The following STXBP6 variants were observed in gnomAD, a reference collection of about 807,000 sequenced individuals.
The protein encoded by STXBP6 is syntaxin binding protein 6, also known as syntaxin-binding protein 6.
In STXBP6, 21 loss-of-function variants were observed where a neutral mutation model predicts 26.9. The ratio of observed to expected loss-of-function variants is 0.78; its 90% CI spans 0.55 to 1.12. STXBP6 has a LOEUF of 1.12. STXBP6 is among the 50% of genes most tolerant of loss of function. The pLI is 0.00. For missense variants in STXBP6, 232 were observed against 257.9 expected (o/e 0.90, Z 0.69); for synonymous variants, 97 against 92.6 (o/e 1.05, Z -0.27).
In STXBP6 at chr14:24,973,424, C is replaced by CA. The variant is rs2073959840; in HGVS notation, c.154+1240dup. Among the ~76,000 whole-genome samples, 2 of 124,922 alleles carry CA rather than the reference C, an allele frequency of 1.6e-5. 1 individual carries two copies. Among genetic ancestry groups the CA allele is most frequent in the South Asian group, 5.3e-4 (2 of 3,790 alleles). The allele number at this position is 124,922 out of a possible 152,430, so 82.0% of individuals were successfully genotyped here. On this transcript the variant is annotated intron_variant, in intron 2 of 5. Transcript: ENST00000323944. The stretch of plus-strand genomic sequence containing the variant: ...TTTTTGAGACAGAGTCTCACTCTGT[C>CA]AGCCAGGCTGGAGTGCAGTGGTGTG...
intron 2 of STXBP6, among the ~76,000 whole-genome samples, chr14:24,915,278 A>G (rs1418167263): frequency 6.6e-6 from 1 of 152,130 alleles, no homozygotes; most frequent in Non-Finnish European, 1.5e-5. Flanking sequence ...TAATTCCTTC[A>G]GACAGTGGTA....
chr14:24,977,281 T>C (rs1418358520), intron 1 of STXBP6, among the ~76,000 whole-genome samples: 2 of 152,182 alleles, frequency 1.3e-5, no homozygotes, highest in Non-Finnish European at 1.5e-5. Context: ...CATTTTATCA[T>C]ATAAAATCTG....
intron 2 of STXBP6, among the ~76,000 whole-genome samples, chr14:24,880,775 A>G (rs1747871972): frequency 6.6e-6 from 1 of 152,172 alleles, no homozygotes; most frequent in Non-Finnish European, 1.5e-5. Flanking sequence ...ATTATGATGG[A>G]TCGATTATGT....
chr14:25,040,819 G>A (rs1193303884), intron 1 of STXBP6, among the ~76,000 whole-genome samples: 1 of 152,180 alleles, frequency 6.6e-6, no homozygotes, highest in Non-Finnish European at 1.5e-5. Flanking sequence ...AGCAAAGGCT[G>A]TCCCTAAAGC....
At chr14:25,010,057 A>G (rs996569755) in intron 1 of STXBP6, among the ~76,000 whole-genome samples, 8 of 152,170 alleles carry the variant, frequency 5.3e-5, no homozygotes, top group African/African-American at 1.9e-4. Context: ...GGAGATTCGG[A>G]CACACCCTCA....
At chr14:24,984,110 T>TA (rs2074270182) in intron 1 of STXBP6, among the ~76,000 whole-genome samples, 1 of 152,162 alleles carries the variant, frequency 6.6e-6, no homozygotes, top group South Asian at 2.1e-4. Flanking sequence ...CATGCACCTG[T>TA]AGTCCCAGCT....
intron 2 of STXBP6, among the ~76,000 whole-genome samples, chr14:24,880,908 A>G (rs1431457059): frequency 1.3e-5 from 2 of 152,210 alleles, no homozygotes; most frequent in East Asian, 1.9e-4. Context: ...GTCACATTTC[A>G]TAAGGTTCCG....
chr14:24,865,150 G>A (rs1198536941), intron 2 of STXBP6, among the ~76,000 whole-genome samples: 1 of 152,106 alleles, frequency 6.6e-6, no homozygotes, highest in Non-Finnish European at 1.5e-5. Context: ...TTCTAATCCT[G>A]TGGCTACATC....
At position 24,970,321 on chromosome 14, in the gene STXBP6, CT is replaced by C. The variant is rs368358633; in HGVS notation, c.154+4343del. Among the ~76,000 whole-genome samples the C allele has an allele frequency of 4.3e-3, 661 of 152,166 alleles. 3 individuals are homozygous for C. The highest frequency in any genetic ancestry group is 0.015 in the African/African-American group (634 of 41,512). ...CACTTTAAGTGTGCAGCCTGATGAGCTGTCAAAAATGTATACACCTACGTAA... is the reference window on the plus strand; with the variant it reads ...CACTTTAAGTGTGCAGCCTGATGAGCGTCAAAAATGTATACACCTACGTAA... On this transcript the variant is annotated intron_variant, in intron 2 of 5. Transcript: ENST00000323944.
intron 2 of STXBP6, among the ~76,000 whole-genome samples, chr14:24,926,478 G>A (rs1414719350): frequency 6.6e-6 from 1 of 152,052 alleles, no homozygotes; most frequent in African/African-American, 2.4e-5. Flanking sequence ...AAGTTAAAGA[G>A]TCAAAATTTC....
At chr14:24,951,114 C>T (rs539333284) in intron 2 of STXBP6, among the ~76,000 whole-genome samples, 92 of 152,210 alleles carry the variant, frequency 6.0e-4, no homozygotes, top group African/African-American at 2.1e-3. Flanking sequence ...GTATATGTGC[C>T]ACATTTTCTT....
intron 1 of STXBP6, among the ~76,000 whole-genome samples, chr14:25,029,657 C>T (rs765213263): frequency 3.3e-5 from 5 of 152,228 alleles, no homozygotes; most frequent in Middle Eastern, 3.4e-3. Flanking sequence ...CTATATAATG[C>T]TTCATGTGAA....
At chr14:25,032,162 T>A (rs2075469469) in intron 1 of STXBP6, among the ~76,000 whole-genome samples, 1 of 152,188 alleles carries the variant, frequency 6.6e-6, no homozygotes, top group Admixed American at 6.5e-5. Context: ...ACTTTGCGCA[T>A]GGTCTCCAAC....
At chr14:24,899,885 G>A (rs928170685) in intron 2 of STXBP6, among the ~76,000 whole-genome samples, 1 of 150,372 alleles carries the variant, frequency 6.7e-6, no homozygotes, top group Admixed American at 6.6e-5. Context: ...CTTGAATGGT[G>A]CTCTTAGACA....
chr14:24,870,826 C>T (rs2069902995), intron 2 of STXBP6, among the ~76,000 whole-genome samples: 1 of 152,136 alleles, frequency 6.6e-6, no homozygotes, highest in Non-Finnish European at 1.5e-5. Flanking sequence ...TCTCCATGTC[C>T]CCCTTCAGAT....
At chr14:24,840,784 G>A (rs762512167) in intron 4 of STXBP6, among the ~76,000 whole-genome samples, 38 of 151,872 alleles carry the variant, frequency 2.5e-4, no homozygotes, top group Middle Eastern at 3.2e-3. Flanking sequence ...AAGAAAAGAG[G>A]TGACTATCCT....
chr14:24,812,611 G>A lies in STXBP6; in HGVS notation c.*98C>T, dbSNP rs1409420435. ...AAACCACTCTAAGTGTCCAAATATTGGAAAAAAAGAAGCAAGCGGAGGTCC... is the reference window on the plus strand; with the variant it reads ...AAACCACTCTAAGTGTCCAAATATTAGAAAAAAAGAAGCAAGCGGAGGTCC... On this transcript the variant is annotated 3_prime_UTR_variant, in exon 6 of 6. Coordinates refer to ENST00000323944, the MANE Select transcript of STXBP6 (RefSeq NM_001394410.1). 671 of 1,216,958 alleles carry A rather than the reference G, an allele frequency of 5.5e-4. 5 individuals carry two copies. Among genetic ancestry groups the A allele is most frequent in the Non-Finnish European group, 3.6e-5 (30 of 833,140 alleles). The allele number at this position is 1,216,958 out of a possible 1,614,324, so 75.4% of individuals were successfully genotyped here.
Position 24,811,182 on chromosome 14 carries a change from C to A in STXBP6, c.*1527G>T, listed in dbSNP as rs931569048. The A allele has an allele frequency of 5.9e-5, 9 of 152,162 alleles. No homozygotes were observed. Among genetic ancestry groups the A allele is most frequent in the African/African-American group, 2.2e-4 (9 of 41,518 alleles). 9.4% of individuals were successfully genotyped at this position (152,162 alleles called of 1,614,324 possible). A position where few individuals can be genotyped will look rare whatever the true frequency, so the allele number is the denominator to read the frequency against. On this transcript the variant is annotated 3_prime_UTR_variant, in exon 6 of 6. Coordinates refer to ENST00000323944, the MANE Select transcript of STXBP6 (RefSeq NM_001394410.1). ...TAATGTGCACCATCTGATATTTTTA[C>A]CCCCAGTAGACAAACTTTCTCTCTC...
At chr14:25,002,319 A>G (rs2074779017) in intron 1 of STXBP6, among the ~76,000 whole-genome samples, 1 of 151,874 alleles carries the variant, frequency 6.6e-6, no homozygotes, top group Non-Finnish European at 1.5e-5. Context: ...TTTTAAAGTT[A>G]ATTTATGACA....
Sources: gnomAD v4.1 joint callset for allele counts (sites outside exome capture counted in the v4.1 genomes callset) on GRCh38, gnomAD v4.1.1 for gene constraint, MANE v1.5 for transcripts, NCBI Gene and HGNC (gene_info 2026-07-23, HGNC 2026-07-21) for gene names.